The following BBS9 variants were observed in gnomAD, a reference collection of about 807,000 sequenced individuals.
The protein encoded by BBS9 is protein PTHB1.
A neutral mutation model predicts 117.7 loss-of-function variants in BBS9; 89 were observed. The ratio of observed to expected loss-of-function variants is 0.76; its 90% confidence interval spans 0.64 to 0.90. The LOEUF is 0.90. BBS9 is among the 40% of genes least tolerant of loss of function. The pLI, the probability that BBS9 is intolerant of heterozygous loss-of-function variation, is 0.00. For synonymous variants in BBS9, 379 were observed against 370.9 expected, an observed-to-expected ratio of 1.02 and a Z score of -0.25; for missense variants, 982 against 1,042.2, an observed-to-expected ratio of 0.94 and a Z score of 0.80.
intron 16 of BBS9, among the ~76,000 whole-genome samples, chr7:33,366,410 T>G (rs946025878): frequency 6.7e-6 from 1 of 149,290 alleles, no homozygotes; most frequent in African/African-American, 2.4e-5. Flanking sequence ...ATTATGGTGT[T>G]TGAATAGCTG....
chr7:33,598,424 A>G (rs1863250350), intron 21 of BBS9, among the ~76,000 whole-genome samples: 1 of 152,190 alleles, frequency 6.6e-6, no homozygotes. Context: ...AATGAATGTT[A>G]TGAAGTATTC....
rs1276377192 is a variant in BBS9 at position 33,148,719 on chromosome 7, CA to C, written c.112+2356del. On this transcript the variant is annotated intron_variant, in intron 2 of 22. Coordinates refer to ENST00000242067, the MANE Select transcript of BBS9 (RefSeq NM_198428.3). ...TTGCTCTGCTGCCCAGGATGGAGTGCAGTGGCATGATCATGGCTCACTGCAG... is the reference window on the plus strand; with the variant it reads ...TTGCTCTGCTGCCCAGGATGGAGTGCGTGGCATGATCATGGCTCACTGCAG... 2.7e-5 allele frequency among the ~76,000 whole-genome samples: 4 copies of C among 146,964 alleles called. No homozygotes were observed. In the Admixed American group the frequency reaches 2.8e-4, roughly 10 times the overall value.
chr7:33,290,188 T>C (rs1009741393), intron 9 of BBS9, among the ~76,000 whole-genome samples: 1 of 152,176 alleles, frequency 6.6e-6, no homozygotes, highest in Non-Finnish European at 1.5e-5. Flanking sequence ...ACTTTACTAA[T>C]GATGGAGCAA....
chr7:33,346,477 G>A (rs1438378988), intron 12 of BBS9: 2 of 178,798 alleles, frequency 1.1e-5, no homozygotes, highest in East Asian at 1.5e-4. Context: ...GCAGAAAATA[G>A]CATGGAAAAT....
chr7:33,374,688 G>A (rs1211977834), intron 17 of BBS9, among the ~76,000 whole-genome samples: 3 of 152,026 alleles, frequency 2.0e-5, no homozygotes, highest in Non-Finnish European at 4.4e-5. Flanking sequence ...GATCACCTAA[G>A]GTCGGGAGTT....
At chr7:33,306,973 TTGTA>T (rs71551998) in intron 9 of BBS9, among the ~76,000 whole-genome samples, 21,086 of 152,026 alleles carry the variant, frequency 0.14, 1,773 homozygotes, top group Non-Finnish European at 0.18. Flanking sequence ...TGCAGGAACA[TTGTA>T]TGTACGCGGT....
rs138462030 is a variant in BBS9, at chr7:33,448,910, A to C, written c.2116-56553A>C. ...TATCAATTTTTTCTAAGTGCTTTAC[A>C]TATATTGACTCATTTCCTCCCAGAG... is the stretch of plus-strand genomic sequence containing the variant. On this transcript the variant is annotated intron_variant, in intron 19 of 22. Transcript: ENST00000242067. Among the ~76,000 whole-genome samples, 64 of 152,344 alleles carry C rather than the reference A, an allele frequency of 4.2e-4. 1 individual carries two copies. In the East Asian group the frequency reaches 0.011, roughly 27 times the overall value.
intron 19 of BBS9, among the ~76,000 whole-genome samples, chr7:33,448,174 T>C (rs1186504452): frequency 6.6e-6 from 1 of 152,154 alleles, no homozygotes; most frequent in African/African-American, 2.4e-5. Context: ...AGCTGCAGCG[T>C]TGCCTTGGTT....
chr7:33,567,140 T>C (rs369569492), intron 21 of BBS9, among the ~76,000 whole-genome samples: 67 of 152,330 alleles, frequency 4.4e-4, no homozygotes, highest in Middle Eastern at 3.4e-3. Flanking sequence ...GACTGTTCTC[T>C]ATTAAATTTT....
rs937545244 is a variant in BBS9 at position 33,517,570 on chromosome 7, C to G, written c.2298+11925C>G. On this transcript the variant is annotated intron_variant, in intron 20 of 22. Transcript: ENST00000242067. ...CCCGTTGCCGCTCAACAGCATACAC[C>G]CTTTATTGCTTTTTCTCCACTTTTC... Among the ~76,000 whole-genome samples the G allele has an allele frequency of 2.6e-5, 4 of 152,326 alleles. No homozygotes were observed. In the East Asian group the frequency reaches 7.7e-4, roughly 29 times the overall value.
intron 21 of BBS9, among the ~76,000 whole-genome samples, chr7:33,548,170 T>A (rs1045475812): frequency 6.6e-6 from 1 of 152,174 alleles, no homozygotes; most frequent in Admixed American, 6.5e-5. Flanking sequence ...TAGCAGATGT[T>A]TATACTAATG....
At chr7:33,388,562 C>G (rs1563104117) in intron 19 of BBS9, among the ~76,000 whole-genome samples, 1 of 152,136 alleles carries the variant, frequency 6.6e-6, no homozygotes, top group African/African-American at 2.4e-5. Context: ...GCTCATACTT[C>G]TAGTATTATG....
intron 20 of BBS9, among the ~76,000 whole-genome samples, chr7:33,518,239 T>A (rs1329145780): frequency 2.0e-5 from 3 of 148,996 alleles, no homozygotes; most frequent in African/African-American, 7.4e-5. Flanking sequence ...TATTTTTGTA[T>A]ATATTCTTTT....
intron 16 of BBS9, among the ~76,000 whole-genome samples, chr7:33,363,116 C>A (rs966144581): frequency 6.6e-6 from 1 of 151,844 alleles, no homozygotes; most frequent in Non-Finnish European, 1.5e-5. Context: ...ATTTTATTTT[C>A]TTTTGATATG....
chr7:33,568,433 A>T lies in BBS9; in HGVS notation c.2521+34257A>T, dbSNP rs543563265. ...TATCGCTTACCCCTATCATGGATTT[A>T]TCCTAATGTATTAGAACTGTCTTTT... is the stretch of plus-strand genomic sequence containing the variant. On this transcript the variant is annotated intron_variant, in intron 21 of 22. Coordinates refer to ENST00000242067, the MANE Select transcript of BBS9 (RefSeq NM_198428.3). 6.5e-4 allele frequency among the ~76,000 whole-genome samples: 99 copies of T among 152,234 alleles called. 1 individual carries two copies. Among genetic ancestry groups the T allele is most frequent in the Middle Eastern group, 3.4e-3 (1 of 294 alleles).
intron 4 of BBS9, among the ~76,000 whole-genome samples, chr7:33,156,908 G>A (rs1451149123): frequency 6.6e-6 from 1 of 152,024 alleles, no homozygotes; most frequent in Non-Finnish European, 1.5e-5. Flanking sequence ...CAGAGTAAAT[G>A]GAGAAGGTAT....
intron 19 of BBS9, among the ~76,000 whole-genome samples, chr7:33,494,315 G>A (rs867712874): frequency 9.2e-5 from 14 of 152,156 alleles, no homozygotes; most frequent in African/African-American, 1.7e-4. Flanking sequence ...TGTCATTAAC[G>A]AGGAGGATGA....
At chr7:33,402,823 G>C (rs1829137802) in intron 19 of BBS9, among the ~76,000 whole-genome samples, 1 of 152,078 alleles carries the variant, frequency 6.6e-6, no homozygotes, top group African/African-American at 2.4e-5. Flanking sequence ...CCGAGAGGTA[G>C]TTTTTCAACT....
At chr7:33,232,043 A>G (rs529945078) in intron 5 of BBS9, among the ~76,000 whole-genome samples, 39 of 152,310 alleles carry the variant, frequency 2.6e-4, no homozygotes, top group African/African-American at 8.9e-4. Context: ...CATTGCAAGT[A>G]TAACTTATAC....
Sources: gnomAD v4.1 joint callset for allele counts (sites outside exome capture counted in the v4.1 genomes callset) on GRCh38, gnomAD v4.1.1 for gene constraint, MANE v1.5 for transcripts, NCBI Gene and HGNC (gene_info 2026-07-23, HGNC 2026-07-21) for gene names.